Variants in MYO3A observed in about 807,000 individuals in gnomAD.
MYO3A encodes myosin-IIIa.
Under a neutral mutation model 192.7 loss-of-function variants are expected in MYO3A, and 180 were observed. That is an observed-to-expected ratio of 0.93 (90% CI 0.83 to 1.06). The LOEUF (loss-of-function observed/expected upper bound fraction) is 1.06. Ranked by LOEUF, MYO3A falls within the 50% of genes least tolerant of loss-of-function variation. The pLI is 0.00. For missense variants in MYO3A, 1,896 were observed against 1,905.0 expected, an observed-to-expected ratio of 1.00 and a Z score of 0.09; for synonymous variants, 628 against 645.3, an observed-to-expected ratio of 0.97 and a Z score of 0.41.
At chr10:25,942,790 G>GTT (rs36039788) in intron 2 of MYO3A, among the ~76,000 whole-genome samples, 1 of 145,406 alleles carries the variant, frequency 6.9e-6, no homozygotes, top group African/African-American at 2.6e-5. Flanking sequence ...TTTTAATTGG[G>GTT]TTTTTTTTTT....
chr10:26,137,233 A>T (rs971397207), intron 20 of MYO3A, among the ~76,000 whole-genome samples: 2 of 152,242 alleles, frequency 1.3e-5, no homozygotes, highest in Non-Finnish European at 2.9e-5. Context: ...TATTCCAGAC[A>T]TGGGTAATTT....
chr10:26,090,594 C>A (rs1325923594), intron 15 of MYO3A, among the ~76,000 whole-genome samples: 1 of 152,036 alleles, frequency 6.6e-6, no homozygotes, highest in Non-Finnish European at 1.5e-5. Flanking sequence ...TCTGTTTTTT[C>A]TTTCACCTAA....
At chr10:26,103,854 T>G (rs1308176741) in intron 17 of MYO3A, among the ~76,000 whole-genome samples, 1 of 152,224 alleles carries the variant, frequency 6.6e-6, no homozygotes, top group Non-Finnish European at 1.5e-5. Flanking sequence ...TCAACACTTA[T>G]TGTTATCTGT....
At chr10:26,175,621 T>C (rs561119741) in intron 30 of MYO3A, among the ~76,000 whole-genome samples, 3 of 152,332 alleles carry the variant, frequency 2.0e-5, no homozygotes, top group Admixed American at 2.0e-4. Flanking sequence ...CATCTCCAAC[T>C]TCTAGCTGTC....
intron 20 of MYO3A, among the ~76,000 whole-genome samples, chr10:26,131,843 C>A (rs1026229866): frequency 1.3e-5 from 2 of 151,960 alleles, no homozygotes; most frequent in African/African-American, 4.8e-5. Context: ...ATGTCCCCAC[C>A]CTGCAAATAG....
chr10:25,990,992 T>C (rs1212219473), intron 4 of MYO3A, among the ~76,000 whole-genome samples: 1 of 152,194 alleles, frequency 6.6e-6, no homozygotes, highest in Non-Finnish European at 1.5e-5. Context: ...TGTGTCTTTA[T>C]AGCAGCATGA....
At chr10:26,046,625 T>A (rs34420303) in intron 10 of MYO3A, among the ~76,000 whole-genome samples, 4 of 152,242 alleles carry the variant, frequency 2.6e-5, no homozygotes, top group Non-Finnish European at 4.4e-5. Context: ...CCATCTGTGA[T>A]ATTAGCTATG....
intron 31 of MYO3A, among the ~76,000 whole-genome samples, chr10:26,186,359 C>T (rs938236055): frequency 6.6e-5 from 10 of 151,564 alleles, no homozygotes; most frequent in Non-Finnish European, 1.2e-4. Flanking sequence ...CTCTTCCTCC[C>T]GGGTTCACAC....
intron 31 of MYO3A, among the ~76,000 whole-genome samples, chr10:26,181,479 C>G (rs1302494188): frequency 1.3e-5 from 2 of 151,968 alleles, no homozygotes; most frequent in Non-Finnish European, 2.9e-5. Context: ...AACTGTTTAG[C>G]GTAGAAAGAG....
At chr10:26,052,563 G>A (rs1346490226) in intron 10 of MYO3A, among the ~76,000 whole-genome samples, 1 of 152,118 alleles carries the variant, frequency 6.6e-6, no homozygotes, top group African/African-American at 2.4e-5. Flanking sequence ...TACTCCCGTC[G>A]GTACTACCAA....
chr10:26,186,442 A>G (rs191426579), intron 31 of MYO3A, among the ~76,000 whole-genome samples: 11 of 151,824 alleles, frequency 7.2e-5, no homozygotes, highest in Admixed American at 5.9e-4. Context: ...AATTTTTTGT[A>G]TTTTTAGTAG....
At chr10:25,948,899 G>T (rs990734675) in intron 2 of MYO3A, among the ~76,000 whole-genome samples, 7 of 151,974 alleles carry the variant, frequency 4.6e-5, no homozygotes, top group African/African-American at 1.7e-4. Context: ...GTCATTTTGT[G>T]ACTTTTTTAA....
At chr10:26,061,176 G>A (rs559601067) in intron 10 of MYO3A, among the ~76,000 whole-genome samples, 76 of 152,128 alleles carry the variant, frequency 5.0e-4, no homozygotes, top group African/African-American at 3.1e-4. Context: ...TGATCTACCC[G>A]CCTCAACCTC....
intron 2 of MYO3A, among the ~76,000 whole-genome samples, chr10:25,943,149 A>G (rs1428159670): frequency 6.6e-6 from 1 of 152,006 alleles, no homozygotes; most frequent in Non-Finnish European, 1.5e-5. Context: ...GTTCTTTTGC[A>G]TGTGGATATC....
chr10:25,961,905 A>C (rs2130651824), intron 4 of MYO3A, among the ~76,000 whole-genome samples: 1 of 152,290 alleles, frequency 6.6e-6, no homozygotes, highest in Admixed American at 6.5e-5. Context: ...AGGGTACCAA[A>C]AGAGGGGCAG....
rs544049447 is a variant in MYO3A, at chr10:26,133,215, G to C, written c.2262+4677G>C. Reference sequence around the variant, plus strand: ...TCCAAGTGATAAGCATTTCCTTTAAGTGTCAAAGCAGCCAAATACATTTGA... The same window carrying C: ...TCCAAGTGATAAGCATTTCCTTTAACTGTCAAAGCAGCCAAATACATTTGA... On this transcript the variant is annotated intron_variant, in intron 20 of 34. Transcript: ENST00000642920. Among the ~76,000 whole-genome samples the C allele has an allele frequency of 3.3e-5, 5 of 152,278 alleles. No homozygotes were observed. In the Middle Eastern group the frequency reaches 0.014, roughly 414 times the overall value.
At chr10:25,971,104 T>G (rs1427966538) in intron 4 of MYO3A, among the ~76,000 whole-genome samples, 2 of 133,338 alleles carry the variant, frequency 1.5e-5, no homozygotes. Flanking sequence ...AACCGTGCAT[T>G]TTTTTTATAT....
chr10:25,957,055 A>T (rs905173934), intron 4 of MYO3A, among the ~76,000 whole-genome samples: 2 of 152,192 alleles, frequency 1.3e-5, no homozygotes, highest in East Asian at 3.8e-4. Flanking sequence ...TGCAAAGGAC[A>T]TGATCTCAGT....
intron 15 of MYO3A, among the ~76,000 whole-genome samples, chr10:26,092,096 A>G (rs1161244474): frequency 6.6e-6 from 1 of 152,226 alleles, no homozygotes; most frequent in Non-Finnish European, 1.5e-5. Context: ...AGGAGGAGAG[A>G]GTTTACAAGG....
Sources: gnomAD v4.1 joint callset for allele counts (sites outside exome capture counted in the v4.1 genomes callset) on GRCh38, gnomAD v4.1.1 for gene constraint, MANE v1.5 for transcripts, NCBI Gene and HGNC (gene_info 2026-07-23, HGNC 2026-07-21) for gene names.